Variants in FHIT observed in about 807,000 individuals in gnomAD.
FHIT encodes the protein bis(5'-adenosyl)-triphosphatase.
In FHIT, 19 loss-of-function variants were observed where a neutral mutation model predicts 17.9. The ratio of observed to expected loss-of-function variants is 1.06; its 90% confidence interval spans 0.74 to 1.56. FHIT has a LOEUF of 1.56. Among genes scored for constraint, FHIT ranks in the 40% most tolerant of loss-of-function variants. The probability of loss-of-function intolerance (pLI) is 0.00; values close to 1 mark genes in which losing one functional copy is unlikely to be tolerated. For missense variants in FHIT, 248 were observed against 189.2 expected, an observed-to-expected ratio of 1.31 and a Z score of -1.82; for synonymous variants, 81 against 69.7, an observed-to-expected ratio of 1.16 and a Z score of -0.81.
chr3:60,702,030 T>A (rs1255899485), intron 4 of FHIT, among the ~76,000 whole-genome samples: 2 of 152,156 alleles, frequency 1.3e-5, no homozygotes, highest in Non-Finnish European at 2.9e-5. Flanking sequence ...CCTTGCTAAT[T>A]TTTTGTATAT....
chr3:61,096,691 G>A (rs1488975852), intron 2 of FHIT, among the ~76,000 whole-genome samples: 1 of 152,176 alleles, frequency 6.6e-6, no homozygotes, highest in African/African-American at 2.4e-5. Context: ...TTGATAGTGA[G>A]GTAGCAATGC....
intron 5 of FHIT, among the ~76,000 whole-genome samples, chr3:60,297,389 T>G (rs912179891): frequency 4.6e-5 from 7 of 152,102 alleles, no homozygotes; most frequent in African/African-American, 1.7e-4. Flanking sequence ...TATTTTTGTG[T>G]GTGTGTAAAA....
chr3:60,581,481 G>A lies in FHIT; in HGVS notation c.-17-44502C>T, dbSNP rs374405249. Among the ~76,000 whole-genome samples, 13 of 151,948 alleles carry A rather than the reference G, an allele frequency of 8.6e-5. No homozygotes were observed. The East Asian group carries it at 2.5e-3, about 30-fold the overall frequency. On this transcript the variant is annotated intron_variant, in intron 4 of 9. Transcript: ENST00000492590. ...TCTACTTTTCTTAAGAACTCTAGGA[G>A]GTAGGTAATATTTTTGTTTTACAGA...
In FHIT at chr3:61,190,376, A is replaced by G. The variant is rs375630914; in HGVS notation, c.-164+10241T>C. On this transcript the variant is annotated intron_variant, in intron 2 of 9. Transcript: ENST00000492590. ...CAGAGACATGCAAATCAAAACCACA[A>G]TGAGATACCATCTCACACCAGGTAG... is the stretch of plus-strand genomic sequence containing the variant. 7.2e-5 allele frequency among the ~76,000 whole-genome samples: 11 copies of G among 152,326 alleles called. No homozygotes were observed. The East Asian group carries it at 1.2e-3, about 16-fold the overall frequency.
chr3:59,907,297 A>G (rs1559718876), intron 8 of FHIT, among the ~76,000 whole-genome samples: 1 of 152,128 alleles, frequency 6.6e-6, no homozygotes, highest in Non-Finnish European at 1.5e-5. Flanking sequence ...TTTCTTACCC[A>G]TGTGTAGCAG....
chr3:59,906,416 C>T (rs1704587259), intron 8 of FHIT, among the ~76,000 whole-genome samples: 1 of 152,166 alleles, frequency 6.6e-6, no homozygotes, highest in Admixed American at 6.5e-5. Flanking sequence ...TAGGAAGTTG[C>T]CAGTTTATGG....
intron 4 of FHIT, among the ~76,000 whole-genome samples, chr3:60,671,301 G>T (rs189299221): frequency 6.6e-6 from 1 of 151,998 alleles, no homozygotes; most frequent in Non-Finnish European, 1.5e-5. Flanking sequence ...AAATTATTTG[G>T]TCAAATGAGG....
At chr3:60,138,925 G>T (rs1261212687) in intron 5 of FHIT, among the ~76,000 whole-genome samples, 1 of 152,088 alleles carries the variant, frequency 6.6e-6, no homozygotes, top group Non-Finnish European at 1.5e-5. Context: ...TTATAGGAAA[G>T]CCACACTAGC....
chr3:60,734,567 C>A (rs2042097666), intron 4 of FHIT, among the ~76,000 whole-genome samples: 1 of 152,174 alleles, frequency 6.6e-6, no homozygotes, highest in South Asian at 2.1e-4. Context: ...CGGCATCCCG[C>A]CATGTTACCA....
chr3:60,035,951 G>T (rs1046633786), intron 5 of FHIT, among the ~76,000 whole-genome samples: 4 of 152,058 alleles, frequency 2.6e-5, no homozygotes, highest in South Asian at 2.1e-4. Flanking sequence ...GTCCATGGTG[G>T]GCCAGCAGAT....
chr3:60,158,875 G>A (rs538365235), intron 5 of FHIT, among the ~76,000 whole-genome samples: 6 of 151,784 alleles, frequency 4.0e-5, no homozygotes, highest in Admixed American at 1.3e-4. Flanking sequence ...CTCCAAATTC[G>A]TTCTAACACC....
intron 4 of FHIT, among the ~76,000 whole-genome samples, chr3:60,545,458 G>T (rs1382955825): frequency 6.6e-6 from 1 of 152,044 alleles, no homozygotes; most frequent in Non-Finnish European, 1.5e-5. Flanking sequence ...TGGGCTTATA[G>T]GATTCCAGAC....
chr3:60,184,400 G>A (rs1420701080), intron 5 of FHIT, among the ~76,000 whole-genome samples: 2 of 151,928 alleles, frequency 1.3e-5, no homozygotes, highest in African/African-American at 2.4e-5. Flanking sequence ...GACCTTTACT[G>A]TTTCTTATGA....
chr3:60,341,441 AC>A (rs947172397), intron 5 of FHIT, among the ~76,000 whole-genome samples: 2 of 152,262 alleles, frequency 1.3e-5, no homozygotes, highest in African/African-American at 4.8e-5. Flanking sequence ...AACCAGGCCC[AC>A]GTGGAGACAA....
intron 5 of FHIT, among the ~76,000 whole-genome samples, chr3:60,410,393 AT>A (rs572737348): frequency 3.9e-4 from 60 of 152,328 alleles, no homozygotes; most frequent in African/African-American, 1.4e-3. Context: ...GGAGATTTTT[AT>A]TTATAAGACT....
At chr3:60,011,438 T>C (rs1486343178) in intron 6 of FHIT, 38 bp from the exon 7 acceptor site, 2 of 1,559,116 alleles carry the variant, frequency 1.3e-6, no homozygotes. Flanking sequence ...TGAGAATAGA[T>C]AGATGGTATC....
At chr3:60,417,755 C>G (rs9837222) in intron 5 of FHIT, among the ~76,000 whole-genome samples, 8,228 of 152,128 alleles carry the variant, frequency 0.054, 755 homozygotes, top group African/African-American at 0.19. Flanking sequence ...CAGCAAATAC[C>G]CTGTCTCAGT....
chr3:60,951,561 A>G (rs1708885532), intron 3 of FHIT, among the ~76,000 whole-genome samples: 1 of 152,226 alleles, frequency 6.6e-6, no homozygotes, highest in Non-Finnish European at 1.5e-5. Context: ...CAGGACTGGA[A>G]TGCAGGTCTC....
At chr3:61,192,000 C>G (rs2038730906) in intron 2 of FHIT, among the ~76,000 whole-genome samples, 1 of 152,110 alleles carries the variant, frequency 6.6e-6, no homozygotes, top group Admixed American at 6.5e-5. Flanking sequence ...GTTACAGGAA[C>G]AGTTCCTTGC....
Sources: gnomAD v4.1 joint callset for allele counts (sites outside exome capture counted in the v4.1 genomes callset) on GRCh38, gnomAD v4.1.1 for gene constraint, MANE v1.5 for transcripts, NCBI Gene and HGNC (gene_info 2026-07-23, HGNC 2026-07-21) for gene names.